LRMDA: variants seen among roughly 807,000 people sequenced by gnomAD.
LRMDA encodes leucine rich melanocyte differentiation associated, also known as leucine-rich melanocyte differentiation-associated protein.
Under a neutral mutation model 29.8 loss-of-function variants are expected in LRMDA, and 18 were observed. The observed-to-expected ratio is 0.60, with a 90% CI of 0.42 to 0.90. The LOEUF (loss-of-function observed/expected upper bound fraction) is 0.90. LRMDA is among the 40% of genes least tolerant of loss of function. The pLI, the probability that LRMDA is intolerant of heterozygous loss-of-function variation, is 0.00. For missense variants in LRMDA, 273 were observed against 273.9 expected (o/e 1.00, Z 0.02); for synonymous variants, 125 against 109.4 (o/e 1.14, Z -0.89).
chr10:75,653,860 G>A lies in LRMDA; in HGVS notation c.131+215366G>A, dbSNP rs12098844. On this transcript the variant is annotated intron_variant, in intron 2 of 6. Transcript: ENST00000611255. ...ACATTGTTTTCAAAAAAATGTCATC[G>A]GCATTCCTTTCATTTTTGTTGCCTG... is the stretch of plus-strand genomic sequence containing the variant. Among the ~76,000 whole-genome samples, 248 of 152,226 alleles carry A rather than the reference G, an allele frequency of 1.6e-3. 1 individual carries two copies. The highest frequency in any genetic ancestry group is 5.5e-3 in the African/African-American group (227 of 41,522).
At chr10:76,205,785 G>T (rs914939419) in intron 5 of LRMDA, among the ~76,000 whole-genome samples, 1 of 152,178 alleles carries the variant, frequency 6.6e-6, no homozygotes. Flanking sequence ...GTGTAGAGAT[G>T]CTGGGCCTTC....
chr10:76,289,101 G>A (rs567104792), intron 5 of LRMDA, among the ~76,000 whole-genome samples: 7 of 152,300 alleles, frequency 4.6e-5, no homozygotes, highest in African/African-American at 1.7e-4. Flanking sequence ...GTGGAGGTGG[G>A]ATGTTGGATT....
intron 5 of LRMDA, among the ~76,000 whole-genome samples, chr10:76,269,183 C>T (rs932191248): frequency 5.3e-5 from 8 of 152,120 alleles, no homozygotes; most frequent in Admixed American, 2.6e-4. Context: ...CCCAGTGGCA[C>T]ACTGTGATGT....
intron 2 of LRMDA, among the ~76,000 whole-genome samples, chr10:75,685,442 C>T (rs1327454262): frequency 6.6e-6 from 1 of 152,218 alleles, no homozygotes; most frequent in Non-Finnish European, 1.5e-5. Flanking sequence ...CACCCATGTG[C>T]TCAAGTACAT....
chr10:76,085,504 A>G (rs1299995382), intron 5 of LRMDA, among the ~76,000 whole-genome samples: 1 of 152,098 alleles, frequency 6.6e-6, no homozygotes, highest in Non-Finnish European at 1.5e-5. Context: ...CTCGCCCCAC[A>G]CACTCCTGAA....
chr10:75,952,163 GCTT>G (rs537698623), intron 2 of LRMDA, among the ~76,000 whole-genome samples: 2 of 152,130 alleles, frequency 1.3e-5, no homozygotes, highest in South Asian at 2.1e-4. Flanking sequence ...CTCAAAGTTT[GCTT>G]CTTCTCAACC....
intron 2 of LRMDA, among the ~76,000 whole-genome samples, chr10:75,792,599 C>T (rs1843587935): frequency 6.6e-6 from 1 of 152,078 alleles, no homozygotes. Flanking sequence ...CTTACATTCC[C>T]AAAGGGAAAC....
chr10:76,388,911 G>C (rs1332667158), intron 6 of LRMDA, among the ~76,000 whole-genome samples: 5 of 152,206 alleles, frequency 3.3e-5, no homozygotes, highest in African/African-American at 1.2e-4. Flanking sequence ...AAGTGGCAAA[G>C]CTGGACTTCA....
chr10:76,445,528 G>T (rs146958103), intron 6 of LRMDA, among the ~76,000 whole-genome samples: 4 of 152,194 alleles, frequency 2.6e-5, no homozygotes, highest in African/African-American at 9.6e-5. Context: ...TTCTTCATTT[G>T]CCAGAGTTAA....
intron 6 of LRMDA, among the ~76,000 whole-genome samples, chr10:76,328,267 A>G (rs142372974): frequency 1.4e-3 from 217 of 152,340 alleles, no homozygotes; most frequent in Admixed American, 2.1e-3. Flanking sequence ...AGTACAGGAC[A>G]TGCCCCAGCG....
intron 5 of LRMDA, among the ~76,000 whole-genome samples, chr10:76,259,447 A>T (rs1357280201): frequency 6.6e-6 from 1 of 151,992 alleles, no homozygotes; most frequent in African/African-American, 2.4e-5. Flanking sequence ...TATAATTTTG[A>T]CTTATCAAAA....
At chr10:75,851,509 G>T (rs1175722465) in intron 2 of LRMDA, among the ~76,000 whole-genome samples, 1 of 152,086 alleles carries the variant, frequency 6.6e-6, no homozygotes, top group Non-Finnish European at 1.5e-5. Context: ...TCAGCCAGCT[G>T]TTCAGTTTTT....
chr10:75,441,520 A>G (rs1844326804), intron 2 of LRMDA, among the ~76,000 whole-genome samples: 1 of 152,216 alleles, frequency 6.6e-6, no homozygotes. Flanking sequence ...AGGTTGAGAT[A>G]GCACTGTTTC....
At chr10:76,352,827 G>A (rs953462243) in intron 6 of LRMDA, among the ~76,000 whole-genome samples, 10 of 152,020 alleles carry the variant, frequency 6.6e-5, no homozygotes, top group African/African-American at 1.9e-4. Flanking sequence ...GGACAGGGGA[G>A]GTGGAAGGAC....
At chr10:76,425,202 T>C (rs184864357) in intron 6 of LRMDA, among the ~76,000 whole-genome samples, 23 of 152,328 alleles carry the variant, frequency 1.5e-4, no homozygotes, top group African/African-American at 5.3e-4. Context: ...ATGTACACTT[T>C]AATTTCCAAC....
chr10:76,050,009 C>G (rs769903214), intron 4 of LRMDA, among the ~76,000 whole-genome samples: 3 of 152,150 alleles, frequency 2.0e-5, no homozygotes, highest in African/African-American at 7.2e-5. Flanking sequence ...TATTCAGAAG[C>G]AAGAACCCAT....
chr10:75,653,801 C>T (rs775979831), intron 2 of LRMDA, among the ~76,000 whole-genome samples: 2 of 152,114 alleles, frequency 1.3e-5, no homozygotes, highest in Non-Finnish European at 2.9e-5. Flanking sequence ...AAACTTGAGC[C>T]CAATAACCTG....
intron 6 of LRMDA, among the ~76,000 whole-genome samples, chr10:76,502,298 C>T (rs1466746517): frequency 4.6e-5 from 7 of 151,834 alleles, no homozygotes; most frequent in Non-Finnish European, 7.4e-5. Context: ...TAGTGTGGTG[C>T]CTCCAGTTTT....
chr10:76,453,065 C>A (rs1842422944), intron 6 of LRMDA, among the ~76,000 whole-genome samples: 2 of 152,132 alleles, frequency 1.3e-5, no homozygotes, highest in African/African-American at 2.4e-5. Flanking sequence ...AAGTAATATT[C>A]TATAATGTTC....
Sources: allele counts gnomAD v4.1 joint callset (sites outside exome capture counted in the v4.1 genomes callset), GRCh38; gene constraint gnomAD v4.1.1; transcripts MANE v1.5; gene names NCBI Gene and HGNC (gene_info 2026-07-23, HGNC 2026-07-21).